The following CYFIP2 variants were observed in gnomAD, a reference collection of about 807,000 sequenced individuals.
CYFIP2 encodes cytoplasmic FMR1-interacting protein 2.
CYFIP2 carries 29 observed loss-of-function variants against 158.7 expected under a neutral mutation model. The ratio of observed to expected loss-of-function variants is 0.18; its 90% CI spans 0.14 to 0.25. CYFIP2 has a LOEUF of 0.25. Ranked by LOEUF, CYFIP2 falls within the 10% of genes least tolerant of loss-of-function variation. The pLI is 1.00. For missense variants in CYFIP2, 852 were observed against 1,639.5 expected (o/e 0.52, Z 8.29); for synonymous variants, 585 against 617.6 (o/e 0.95, Z 0.78).
intron 8 of CYFIP2, among the ~76,000 whole-genome samples, chr5:157,305,559 G>A (rs1561709443): frequency 7.9e-5 from 12 of 152,196 alleles, no homozygotes. Context: ...CTCCCAGGCT[G>A]GAGTGCAGTG....
chr5:157,293,001 T>G (rs6887977), intron 3 of CYFIP2, among the ~76,000 whole-genome samples: 1 of 151,200 alleles, frequency 6.6e-6, no homozygotes. Flanking sequence ...AGCTGGGATT[T>G]GAGCCCAGAT....
rs1404924865 is a variant in CYFIP2 at position 157,381,458 on chromosome 5, G to A, written c.3040-1132G>A. Reference sequence around the variant, plus strand: ...AGGAGTAATTGCTTGAATACAAGAGGCAGAGGCTGCAGTGAGCCGAGATCA... The same window carrying A: ...AGGAGTAATTGCTTGAATACAAGAGACAGAGGCTGCAGTGAGCCGAGATCA... On this transcript the variant is annotated intron_variant, in intron 26 of 30. Transcript: ENST00000620254. Among the ~76,000 whole-genome samples the A allele has an allele frequency of 7.4e-5, 11 of 149,418 alleles. No individual in the cohort carries two copies. In the East Asian group the frequency reaches 2.0e-3, roughly 27 times the overall value.
In CYFIP2 at chr5:157,341,147, A is replaced by T; in HGVS notation, c.2663A>T (p.Tyr888Phe). The part of the protein sequence containing the change: ...KPANVQPYYL[Y>F]GSKPLNIAYS... ...GCCAACGTCCAGCCTTATTACCTCT[A>T]TGGATCCAAGGTAAGTAGTCCTGCC... Residue 888 changes from tyrosine to phenylalanine, a missense_variant, in exon 23 of 31, where the codon TAT (tyrosine) becomes TTT (phenylalanine). Tyr to Phe is a conservative substitution (Grantham distance 22). Coordinates refer to ENST00000620254, the MANE Select transcript of CYFIP2 (RefSeq NM_001037333.3). 1 of 1,612,646 alleles carries T rather than the reference A, an allele frequency of 6.2e-7. No individual in the cohort carries two copies. The highest frequency in any genetic ancestry group is 8.5e-7 in the Non-Finnish European group (1 of 1,178,782).
chr5:157,349,394 C>T (rs1404492874), intron 23 of CYFIP2, among the ~76,000 whole-genome samples: 1 of 152,188 alleles, frequency 6.6e-6, no homozygotes, highest in African/African-American at 2.4e-5. Flanking sequence ...TCCCGAGTTA[C>T]TTGACTTAGA....
Position 157,314,952 on chromosome 5 carries a change from G to C in CYFIP2, c.1231-17G>C. ...TCATCAGTTGATGGACGTTTGGTTT[G>C]TTCCCACTCTCCCCAGTACTCTTGG... On this transcript the variant is annotated splice_polypyrimidine_tract_variant and intron_variant, in intron 12 of 30. Transcript: ENST00000620254. The C allele has an allele frequency of 6.4e-7, 1 of 1,553,742 alleles. No homozygotes were observed. The highest frequency in any genetic ancestry group is 8.7e-7 in the Non-Finnish European group (1 of 1,147,308).
intron 3 of CYFIP2, among the ~76,000 whole-genome samples, chr5:157,289,038 C>T (rs1364747407): frequency 6.6e-6 from 1 of 152,148 alleles, no homozygotes; most frequent in Non-Finnish European, 1.5e-5. Flanking sequence ...AGCCCTGTGA[C>T]TTGCAAAGGG....
At chr5:157,389,594 A>G in intron 29 of CYFIP2, 167 bp downstream of exon 29, 1 of 630,024 alleles carries the variant, frequency 1.6e-6, no homozygotes, top group Non-Finnish European at 2.7e-6. Context: ...GAAAGAGCCC[A>G]GTAAGGGTTT....
At chr5:157,284,055 T>A (rs1371665723) in intron 1 of CYFIP2, among the ~76,000 whole-genome samples, 1 of 152,082 alleles carries the variant, frequency 6.6e-6, no homozygotes, top group Non-Finnish European at 1.5e-5. Context: ...TTTATTATTA[T>A]TAATAATATT....
intron 26 of CYFIP2, among the ~76,000 whole-genome samples, chr5:157,369,879 GTTT>G (rs1554120265): frequency 9.7e-6 from 1 of 103,304 alleles, no homozygotes; most frequent in African/African-American, 4.1e-5. Flanking sequence ...AATGGACCTA[GTTT>G]TTTTTTTTTT....
chr5:157,322,978 A>G, intron 15 of CYFIP2: 1 of 1,535,568 alleles, frequency 6.5e-7, no homozygotes, highest in African/African-American at 1.4e-5. Context: ...GTTTCACCCC[A>G]CTGGTGGCAC....
chr5:157,342,953 T>C, intron 23 of CYFIP2: 1 of 1,614,182 alleles, frequency 6.2e-7, no homozygotes. Context: ...GGCTTCGGGA[T>C]CCAGTTCAGC....
intron 19 of CYFIP2, among the ~76,000 whole-genome samples, 186 bp downstream of exon 19, chr5:157,328,235 A>T (rs1404321065): frequency 6.6e-6 from 1 of 152,238 alleles, no homozygotes; most frequent in Non-Finnish European, 1.5e-5. Context: ...AACCTCACAC[A>T]GCCTGCAGTC....
chr5:157,320,200 T>G (rs1160096019), intron 14 of CYFIP2, among the ~76,000 whole-genome samples: 1 of 152,248 alleles, frequency 6.6e-6, no homozygotes, highest in African/African-American at 2.4e-5. Context: ...TAATGCTACC[T>G]GCTGCCTGTT....
intron 21 of CYFIP2, among the ~76,000 whole-genome samples, chr5:157,334,634 A>G (rs571464222): frequency 2.0e-5 from 3 of 152,268 alleles, no homozygotes; most frequent in South Asian, 4.2e-4. Context: ...AAAATGCACA[A>G]TCTCAATCTA....
At chr5:157,341,382 T>C (rs550702894) in intron 23 of CYFIP2, among the ~76,000 whole-genome samples, 28 of 146,416 alleles carry the variant, frequency 1.9e-4, no homozygotes, top group African/African-American at 6.0e-4. Context: ...AGACCCTGTC[T>C]CTACCAAAAA....
At chr5:157,360,076 G>T (rs1763703214) in intron 24 of CYFIP2, among the ~76,000 whole-genome samples, 4 of 152,166 alleles carry the variant, frequency 2.6e-5, no homozygotes, top group African/African-American at 9.7e-5. Flanking sequence ...CTAGAAATGT[G>T]CCCTCCTTGA....
rs1762546190 is a variant in CYFIP2, at chr5:157,344,620, TCC to T, written c.2673+3465_2673+3466del. Among the ~76,000 whole-genome samples the T allele has an allele frequency of 2.0e-5, 3 of 152,260 alleles. No individual in the cohort carries two copies. The South Asian group carries it at 6.2e-4, about 32-fold the overall frequency. On this transcript the variant is annotated intron_variant, in intron 23 of 30. Transcript: ENST00000620254. ...AGTATTTTAGTTTCTCTCATGCAGT[TCC>T]CTCTACTGATTGCCCCTGATCAGAA...
At chr5:157,282,512 T>C (rs575932421) in intron 1 of CYFIP2, among the ~76,000 whole-genome samples, 6 of 152,326 alleles carry the variant, frequency 3.9e-5, no homozygotes, top group African/African-American at 1.4e-4. Context: ...TGTCAATGGA[T>C]GTTTGCTGTT....
rs180807710 is a variant in CYFIP2, at chr5:157,298,370, C to T, written c.387+1596C>T. On this transcript the variant is annotated intron_variant, in intron 5 of 30. Coordinates refer to ENST00000620254, the MANE Select transcript of CYFIP2 (RefSeq NM_001037333.3). ...TTTTTGAGACAGAGTCTCTCTCTGT[C>T]GCTCAGGCTGGAGTGCGGTGACACT... 2.4e-3 allele frequency among the ~76,000 whole-genome samples: 362 copies of T among 152,178 alleles called. 2 individuals are homozygous for T. The highest frequency in any genetic ancestry group is 7.2e-3 in the African/African-American group (298 of 41,520).
Sources: allele counts gnomAD v4.1 joint callset (sites outside exome capture counted in the v4.1 genomes callset), GRCh38; gene constraint gnomAD v4.1.1; transcripts MANE v1.5; gene names NCBI Gene and HGNC (gene_info 2026-07-23, HGNC 2026-07-21).